The following CTIF variants were observed in gnomAD, a reference collection of about 807,000 sequenced individuals.
CTIF encodes the protein CBP80/20-dependent translation initiation factor.
In CTIF, 21 loss-of-function variants were observed where a neutral mutation model predicts 66.0. The ratio of observed to expected loss-of-function variants is 0.32; its 90% CI spans 0.23 to 0.46. The LOEUF is 0.46. CTIF is among the 20% of genes least tolerant of loss of function. The pLI is 1.00. For missense variants in CTIF, 739 were observed against 812.7 expected, an observed-to-expected ratio of 0.91 and a Z score of 1.10; for synonymous variants, 345 against 326.4, an observed-to-expected ratio of 1.06 and a Z score of -0.62.
At chr18:48,707,768 G>A (rs1437165287) in intron 6 of CTIF, among the ~76,000 whole-genome samples, 1 of 152,084 alleles carries the variant, frequency 6.6e-6, no homozygotes, top group East Asian at 1.9e-4. Flanking sequence ...CAGCTTAGTG[G>A]TTTTTAGGGT....
At chr18:48,664,318 T>A in intron 4 of CTIF, 129 bp from the exon 5 acceptor site, 1 of 775,114 alleles carries the variant, frequency 1.3e-6, no homozygotes, top group East Asian at 2.5e-5. Context: ...TGAGTGGGGC[T>A]CCCCGCCTGG....
At chr18:48,619,394 G>A (rs1269063040) in intron 1 of CTIF, 144 bp from the exon 2 acceptor site, 29 of 527,748 alleles carry the variant, frequency 5.5e-5, no homozygotes, top group Admixed American at 3.8e-4. Flanking sequence ...CCAGCCCCTC[G>A]CTGACTTCTC....
intron 1 of CTIF, among the ~76,000 whole-genome samples, chr18:48,579,249 T>C (rs983039013): frequency 6.6e-6 from 1 of 152,176 alleles, no homozygotes; most frequent in Admixed American, 6.5e-5. Flanking sequence ...CAAATTCAAG[T>C]GATTCTCCTG....
At chr18:48,633,571 G>A (rs8082766) in intron 2 of CTIF, among the ~76,000 whole-genome samples, 92,147 of 151,640 alleles carry the variant, frequency 0.61, 31,018 homozygotes, top group East Asian at 0.94. Context: ...GCGTGGTGGC[G>A]GGCACCTGTA....
chr18:48,544,013 CT>C (rs1396280084), intron 1 of CTIF, among the ~76,000 whole-genome samples: 8 of 152,248 alleles, frequency 5.3e-5, no homozygotes, highest in Non-Finnish European at 8.8e-5. Context: ...TGGTCTGTGG[CT>C]TTCTGGCCCT....
intron 7 of CTIF, among the ~76,000 whole-genome samples, chr18:48,746,110 C>T (rs551346327): frequency 7.2e-5 from 11 of 152,256 alleles, no homozygotes; most frequent in Non-Finnish European, 1.0e-4. Flanking sequence ...CCTGGAGGCT[C>T]CACAGCCCAG....
At chr18:48,639,580 C>T (rs2090889698) in intron 3 of CTIF, among the ~76,000 whole-genome samples, 1 of 152,192 alleles carries the variant, frequency 6.6e-6, no homozygotes, top group Non-Finnish European at 1.5e-5. Context: ...TACACGAGGT[C>T]TCCTGTGGTT....
At chr18:48,766,278 T>A (rs1909530524) in intron 9 of CTIF, among the ~76,000 whole-genome samples, 1 of 152,090 alleles carries the variant, frequency 6.6e-6, no homozygotes, top group African/African-American at 2.4e-5. Context: ...TCAAACATGC[T>A]CCTGGTAGAT....
At position 48,861,041 on chromosome 18, in the gene CTIF, CAGGCCCTGGGTCACTTTGG is replaced by C. The variant is rs1416261971; in HGVS notation, c.*1489_*1507del. On this transcript the variant is annotated 3_prime_UTR_variant, in exon 12 of 12. Transcript: ENST00000256413. ...TATTTGCTCTTTTATTGAGGCCGGG[CAGGCCCTGGGTCACTTTGG>C]AGGCCCCTCTTGGTCCACACTGGAC... 1 of 152,280 alleles carries C rather than the reference CAGGCCCTGGGTCACTTTGG, an allele frequency of 6.6e-6. No homozygotes were observed. Among genetic ancestry groups the C allele is most frequent in the Non-Finnish European group, 1.5e-5 (1 of 68,096 alleles). The allele number at this position is 152,280 out of a possible 1,614,324, so 9.4% of individuals were successfully genotyped here.
At chr18:48,670,913 G>C (rs924555933) in intron 6 of CTIF, among the ~76,000 whole-genome samples, 169 bp downstream of exon 6, 4 of 152,188 alleles carry the variant, frequency 2.6e-5, no homozygotes, top group African/African-American at 7.2e-5. Context: ...CATTCTCCAG[G>C]GTGTCCCATT....
chr18:48,571,890 C>G (rs2089423613), intron 1 of CTIF, among the ~76,000 whole-genome samples: 1 of 152,144 alleles, frequency 6.6e-6, no homozygotes, highest in Non-Finnish European at 1.5e-5. Flanking sequence ...ATTGTGAGAG[C>G]TGGCAAGTCT....
Position 48,732,910 on chromosome 18 carries a change from C to T in CTIF, c.584+21215C>T, listed in dbSNP as rs886384521. 2.0e-5 allele frequency among the ~76,000 whole-genome samples: 3 copies of T among 152,142 alleles called. No homozygotes were observed. The East Asian group carries it at 5.8e-4, about 29-fold the overall frequency. On this transcript the variant is annotated intron_variant, in intron 7 of 11. Transcript: ENST00000256413. ...ATTCATTCGCGTTTTCAATAGAGGC[C>T]GTGGTGTGCCTTGCAGATATTTGAT...
intron 1 of CTIF, among the ~76,000 whole-genome samples, chr18:48,587,864 G>A (rs919067691): frequency 6.6e-6 from 1 of 152,114 alleles, no homozygotes; most frequent in Non-Finnish European, 1.5e-5. Context: ...CCTGATTTAT[G>A]CTGTTTTACG....
intron 10 of CTIF, among the ~76,000 whole-genome samples, chr18:48,827,567 T>C (rs1456957948): frequency 6.6e-6 from 1 of 152,212 alleles, no homozygotes; most frequent in Non-Finnish European, 1.5e-5. Context: ...AGTGAAGGGC[T>C]AGAATGCAGC....
intron 3 of CTIF, among the ~76,000 whole-genome samples, chr18:48,655,270 A>G (rs2091226856): frequency 6.9e-6 from 1 of 144,764 alleles, no homozygotes; most frequent in Non-Finnish European, 1.5e-5. Flanking sequence ...ACACCACTGC[A>G]CTCCAGCCTG....
At chr18:48,633,737 A>AAATG (rs1555659545) in intron 2 of CTIF, among the ~76,000 whole-genome samples, 9 of 149,950 alleles carry the variant, frequency 6.0e-5, no homozygotes, top group Non-Finnish European at 8.9e-5. Flanking sequence ...ATAAATAAAT[A>AAATG]AATGTACATA....
chr18:48,558,869 C>T (rs1376538026), intron 1 of CTIF, among the ~76,000 whole-genome samples: 1 of 152,180 alleles, frequency 6.6e-6, no homozygotes, highest in Non-Finnish European at 1.5e-5. Context: ...ATAATAAATA[C>T]ACTTATTCAA....
In CTIF at chr18:48,698,434, A is replaced by T. The variant is rs1168988740; in HGVS notation, c.508-13185A>T. On this transcript the variant is annotated intron_variant, in intron 6 of 11. Transcript: ENST00000256413. ...CCTTGTGTTGCCCCGGCTGGTCTCGAACTCCTGGGTTCCAGTGATTCTCCT... is the reference window on the plus strand; with the variant it reads ...CCTTGTGTTGCCCCGGCTGGTCTCGTACTCCTGGGTTCCAGTGATTCTCCT... Among the ~76,000 whole-genome samples the T allele has an allele frequency of 2.6e-5, 4 of 152,192 alleles. No homozygotes were observed. The East Asian group carries it at 7.7e-4, about 29-fold the overall frequency.
At chr18:48,846,774 A>AATGG (rs1419278502) in intron 10 of CTIF, among the ~76,000 whole-genome samples, 3 of 136,572 alleles carry the variant, frequency 2.2e-5, no homozygotes, top group Non-Finnish European at 3.1e-5. Flanking sequence ...TGAAAGGATG[A>AATGG]ATGGATGGAT....
Sources: allele counts gnomAD v4.1 joint callset (sites outside exome capture counted in the v4.1 genomes callset), GRCh38; gene constraint gnomAD v4.1.1; transcripts MANE v1.5; gene names NCBI Gene and HGNC (gene_info 2026-07-23, HGNC 2026-07-21).